PPP1R16B: variants seen among roughly 807,000 people sequenced by gnomAD.
PPP1R16B encodes the protein protein phosphatase 1 regulatory subunit 16B.
In PPP1R16B, 14 loss-of-function variants were observed where a neutral mutation model predicts 61.7. That is an observed-to-expected ratio of 0.23 (90% CI 0.15 to 0.35). PPP1R16B has a LOEUF of 0.35. PPP1R16B is among the 10% of genes least tolerant of loss of function. PPP1R16B has a pLI of 1.00. For missense variants in PPP1R16B, 547 were observed against 752.5 expected (o/e 0.73, Z 3.19); for synonymous variants, 266 against 305.3 (o/e 0.87, Z 1.34).
At chr20:38,887,106 TTGGATGGATGAATGGATGCTGGTGGA>T (rs774460570) in intron 2 of PPP1R16B, among the ~76,000 whole-genome samples, 19 of 151,674 alleles carry the variant, frequency 1.3e-4, no homozygotes, top group Admixed American at 5.9e-4. Flanking sequence ...ATGATGGTGG[TTGGATGGATGAATGGATGCTGGTGGA>T]TGGATGGATG....
At chr20:38,852,383 T>G (rs2084974800) in intron 2 of PPP1R16B, among the ~76,000 whole-genome samples, 1 of 152,222 alleles carries the variant, frequency 6.6e-6, no homozygotes. Flanking sequence ...ATCCTGGCAT[T>G]GTGTTTTTAT....
At chr20:38,839,158 C>A (rs1024531868) in intron 2 of PPP1R16B, among the ~76,000 whole-genome samples, 1 of 152,170 alleles carries the variant, frequency 6.6e-6, no homozygotes, top group Admixed American at 6.5e-5. Flanking sequence ...AAACTCCTGA[C>A]CTCAAAGTGA....
chr20:38,863,980 G>C (rs1368798656), intron 2 of PPP1R16B, among the ~76,000 whole-genome samples: 2 of 152,214 alleles, frequency 1.3e-5, no homozygotes, highest in Admixed American at 1.3e-4. Flanking sequence ...ATGCAGTCTA[G>C]CCATACAATG....
chr20:38,881,321 T>C (rs2085202039), intron 2 of PPP1R16B, among the ~76,000 whole-genome samples: 1 of 152,210 alleles, frequency 6.6e-6, no homozygotes, highest in African/African-American at 2.4e-5. Context: ...GGGGTGATTT[T>C]TGGAAGCGCA....
At chr20:38,807,727 G>A (rs2084671863) in intron 1 of PPP1R16B, among the ~76,000 whole-genome samples, 1 of 152,170 alleles carries the variant, frequency 6.6e-6, no homozygotes, top group South Asian at 2.1e-4. Context: ...TGTCAACTCT[G>A]TGCCTACTTG....
At chr20:38,909,175 A>C (rs1440062730) in intron 10 of PPP1R16B, among the ~76,000 whole-genome samples, 1 of 151,598 alleles carries the variant, frequency 6.6e-6, no homozygotes, top group East Asian at 1.9e-4. Context: ...CTAATTTTCA[A>C]ATTTCTTGTA....
chr20:38,821,015 T>TG (rs1312075163), intron 1 of PPP1R16B, among the ~76,000 whole-genome samples: 2 of 131,728 alleles, frequency 1.5e-5, no homozygotes, highest in Non-Finnish European at 3.1e-5. Flanking sequence ...TACTCCAGCC[T>TG]GGGTGACAGA....
intron 2 of PPP1R16B, among the ~76,000 whole-genome samples, chr20:38,883,719 C>T (rs1001370660): frequency 6.6e-6 from 1 of 152,216 alleles, no homozygotes. Flanking sequence ...TTGAGAGGTG[C>T]AAGATGTTGA....
At chr20:38,853,744 G>A (rs926304948) in intron 2 of PPP1R16B, among the ~76,000 whole-genome samples, 8 of 152,194 alleles carry the variant, frequency 5.3e-5, no homozygotes, top group Non-Finnish European at 7.3e-5. Flanking sequence ...TTCTTCTGCT[G>A]GTTCTGCCTG....
intron 2 of PPP1R16B, among the ~76,000 whole-genome samples, chr20:38,887,618 A>G (rs559918302): frequency 1.4e-4 from 22 of 152,374 alleles, no homozygotes; most frequent in African/African-American, 5.3e-4. Flanking sequence ...ACCACTTGAA[A>G]CTGAGCACAG....
At chr20:38,865,574 A>T (rs1013994314) in intron 2 of PPP1R16B, among the ~76,000 whole-genome samples, 1 of 152,110 alleles carries the variant, frequency 6.6e-6, no homozygotes, top group Non-Finnish European at 1.5e-5. Flanking sequence ...TACAGGCGTG[A>T]GCCGCCGCGC....
intron 1 of PPP1R16B, among the ~76,000 whole-genome samples, chr20:38,811,022 A>G (rs780105834): frequency 6.6e-6 from 1 of 152,094 alleles, no homozygotes; most frequent in Non-Finnish European, 1.5e-5. Flanking sequence ...TGCTCTGGGT[A>G]TGTAACCTGA....
intron 2 of PPP1R16B, among the ~76,000 whole-genome samples, chr20:38,850,842 C>T (rs1476945382): frequency 1.3e-5 from 2 of 151,836 alleles, no homozygotes; most frequent in Non-Finnish European, 2.9e-5. Context: ...GTGGTGGGCA[C>T]CTGTAGTCCC....
chr20:38,863,912 A>T (rs2085072810), intron 2 of PPP1R16B, among the ~76,000 whole-genome samples: 1 of 152,258 alleles, frequency 6.6e-6, no homozygotes, highest in African/African-American at 2.4e-5. Context: ...CATTTCTCAC[A>T]ATCACCCCAA....
chr20:38,910,141 G>A (rs889583685), intron 10 of PPP1R16B, among the ~76,000 whole-genome samples: 4 of 152,060 alleles, frequency 2.6e-5, no homozygotes, highest in African/African-American at 4.8e-5. Context: ...ACGACGCCTG[G>A]TGGATTTTTG....
chr20:38,871,651 G>GGGAA (rs1481516939), intron 2 of PPP1R16B, among the ~76,000 whole-genome samples: 7 of 131,222 alleles, frequency 5.3e-5, no homozygotes, highest in African/African-American at 2.1e-4. Flanking sequence ...GCAAAGAAAG[G>GGGAA]GGAAGGGAGG....
intron 2 of PPP1R16B, among the ~76,000 whole-genome samples, chr20:38,885,705 C>T (rs1450015888): frequency 6.6e-6 from 1 of 152,198 alleles, no homozygotes; most frequent in Non-Finnish European, 1.5e-5. Context: ...GGTGTGAACT[C>T]ATAAAATAAA....
At chr20:38,905,829 G>A in intron 6 of PPP1R16B, 140 bp from the exon 7 acceptor site, 3 of 832,468 alleles carry the variant, frequency 3.6e-6, no homozygotes, top group Non-Finnish European at 5.4e-6. Context: ...CCTCTGCAAT[G>A]TGACTGGTAT....
At chr20:38,873,185 G>A (rs2085141997) in intron 2 of PPP1R16B, 1 of 152,350 alleles carries the variant, frequency 6.6e-6, no homozygotes, top group African/African-American at 2.4e-5. Flanking sequence ...AATGTGGACG[G>A]TTCTCTGCAC....
Sources: gnomAD v4.1 joint callset for allele counts (sites outside exome capture counted in the v4.1 genomes callset) on GRCh38, gnomAD v4.1.1 for gene constraint, MANE v1.5 for transcripts, NCBI Gene and HGNC (gene_info 2026-07-23, HGNC 2026-07-21) for gene names.